The following LYSMD1 variants were observed in gnomAD, a reference collection of about 807,000 sequenced individuals.
LYSMD1 encodes LysM domain containing 1.
A neutral mutation model predicts 19.3 loss-of-function variants in LYSMD1; 9 were observed. The ratio of observed to expected loss-of-function variants is 0.47; its 90% CI spans 0.28 to 0.81. The LOEUF (loss-of-function observed/expected upper bound fraction) is 0.81, where lower values mean the gene tolerates loss of function less well. Ranked by LOEUF, LYSMD1 falls within the 40% of genes least tolerant of loss-of-function variation. LYSMD1 has a pLI of 0.11. For synonymous variants in LYSMD1, 111 were observed against 111.7 expected (o/e 0.99, Z 0.04); for missense variants, 262 against 279.8 (o/e 0.94, Z 0.45).
chr1:151,161,116 A>G, intron 2 of LYSMD1, 96 bp from the exon 3 acceptor site: 7 of 1,380,940 alleles, frequency 5.1e-6, no homozygotes, highest in Admixed American at 3.6e-5. Context: ...CTTCTAATAC[A>G]TAAGCTGGTT....
chr1:151,158,693 G>T, downstream of LYSMD1: 1 of 1,590,160 alleles, frequency 6.3e-7, no homozygotes, highest in East Asian at 2.2e-5. Context: ...CACTCTCCAG[G>T]ACCCATGGAG....
At chr1:151,151,086 C>T in the LYSMD1 span, among the ~76,000 whole-genome samples, 158 of 152,100 alleles carry the variant, frequency 1.0e-3, no homozygotes, top group African/African-American at 3.7e-3. Context: ...TGCTGGTGTT[C>T]CCTATGGTCA....
chr1:151,164,136 C>T (rs1683564317), intron 1 of LYSMD1, among the ~76,000 whole-genome samples: 1 of 152,098 alleles, frequency 6.6e-6, no homozygotes, highest in Non-Finnish European at 1.5e-5. Context: ...TTAGGTGATC[C>T]ACTTGCCTCT....
At chr1:151,153,462 G>A in the LYSMD1 span, among the ~76,000 whole-genome samples, 1 of 151,884 alleles carries the variant, frequency 6.6e-6, no homozygotes, top group African/African-American at 2.4e-5. Flanking sequence ...AGACCAGCCT[G>A]GCCAATATGG....
rs1340515203 is a variant in LYSMD1, at chr1:151,161,756, C to G, written c.525G>C (p.Lys175Asn). Residue 175 changes from lysine (K) to asparagine (N), a missense_variant, in exon 2 of 3, where the codon AAG (lysine) becomes AAC (asparagine). By Grantham distance (94) the Lys-to-Asn change is moderately conservative. Transcript: ENST00000368908. ...ISLSKKAAAQ[K>N]LKKGENGVPG... ...CTCACCCATTTTCCCCTTTTTTCAGCTTCTGAGCAGCAGCCTTCTTGGACA... is the reference window on the plus strand; with the variant it reads ...CTCACCCATTTTCCCCTTTTTTCAGGTTCTGAGCAGCAGCCTTCTTGGACA... The G allele has an allele frequency of 1.9e-6, 3 of 1,608,554 alleles. No homozygotes were observed. In the Admixed American group the frequency reaches 5.2e-5, roughly 28 times the overall value.
chr1:151,165,611 C>A lies in LYSMD1; in HGVS notation c.-353G>T. ...CTCAGTTTGCCCCCAAGTAGCCTGG[C>A]CTCAGGGCGCTCCAACATCCCAGCT... On this transcript the variant is annotated 5_prime_UTR_variant, in exon 1 of 3. Coordinates refer to ENST00000368908, the MANE Select transcript of LYSMD1 (RefSeq NM_212551.5). The A allele has an allele frequency of 6.5e-7, 1 of 1,528,322 alleles. No individual in the cohort carries two copies. Among genetic ancestry groups the A allele is most frequent in the Admixed American group, 2.0e-5 (1 of 49,628 alleles). 94.7% of individuals were successfully genotyped at this position (1,528,322 alleles called of 1,614,324 possible).
At chr1:151,153,476 A>C in the LYSMD1 span, among the ~76,000 whole-genome samples, 1 of 151,432 alleles carries the variant, frequency 6.6e-6, no homozygotes, top group South Asian at 2.1e-4. Flanking sequence ...AATATGGTGA[A>C]ACCCCATCTC....
At chr1:151,153,654 C>CG in the LYSMD1 span, among the ~76,000 whole-genome samples, 3 of 145,468 alleles carry the variant, frequency 2.1e-5, no homozygotes, top group Non-Finnish European at 4.5e-5. Flanking sequence ...GACTCCATCT[C>CG]GAAAAAAAAA....
chr1:151,165,115 G>A lies in LYSMD1; in HGVS notation c.144C>T (p.Asp48=). Residue 48 remains aspartate, a synonymous_variant, in exon 1 of 3, where the codon GAC becomes GAT. Coordinates refer to ENST00000368908, the MANE Select transcript of LYSMD1 (RefSeq NM_212551.5). ...RRLEHQLEPG[D]TLAGLALKYG... ...ATTTGAGTGCTAGTCCAGCCAGGGT[G>A]TCTCCGGGCTCCAACTGATGCTCCA... 4 of 1,614,174 alleles carry A rather than the reference G, an allele frequency of 2.5e-6. No individual in the cohort carries two copies. Among genetic ancestry groups the A allele is most frequent in the Admixed American group, 1.7e-5 (1 of 60,026 alleles).
rs587776233 is a variant in LYSMD1, at chr1:151,165,348, C to T, written c.-90G>A. ...GGCCTGAAGTCTGGGAATGAATATT[C>T]AGGGGATTCCTTTCCCCCTCTCTCT... On this transcript the variant is annotated 5_prime_UTR_variant, in exon 1 of 3. Transcript: ENST00000368908. 2.1e-4 allele frequency: 326 copies of T among 1,530,516 alleles called. 1 individual carries two copies. The African/African-American group carries it at 3.7e-3, about 17-fold the overall frequency. 94.8% of individuals were successfully genotyped at this position (1,530,516 alleles called of 1,614,324 possible).
At chr1:151,152,593 G>A in the LYSMD1 span, among the ~76,000 whole-genome samples, 3 of 135,366 alleles carry the variant, frequency 2.2e-5, no homozygotes, top group African/African-American at 5.5e-5. Context: ...CCAGCTACTT[G>A]GGAGGCTGAG....
chr1:151,158,617 G>T, downstream of LYSMD1: 1 of 1,297,884 alleles, frequency 7.7e-7, no homozygotes, highest in South Asian at 1.5e-5. Context: ...AACAGAAAAG[G>T]GAAAAGCCAT....
At chr1:151,154,058 T>C in the LYSMD1 span, among the ~76,000 whole-genome samples, 1 of 152,198 alleles carries the variant, frequency 6.6e-6, no homozygotes, top group Non-Finnish European at 1.5e-5. Context: ...CATTTTCCCC[T>C]CATATCCTGG....
At chr1:151,163,283 TA>T (rs143541022) in intron 1 of LYSMD1, among the ~76,000 whole-genome samples, 3,289 of 152,090 alleles carry the variant, frequency 0.022, 112 homozygotes, top group African/African-American at 0.075. Context: ...ATAACCCTAC[TA>T]TAATATTATT....
At chr1:151,158,204 T>C (rs1435428657), downstream of LYSMD1, among the ~76,000 whole-genome samples, 1 of 151,172 alleles carries the variant, frequency 6.6e-6, no homozygotes, top group Non-Finnish European at 1.5e-5. Context: ...GTGCCTGTAA[T>C]CCCAACTACT....
At chr1:151,158,272 G>T (rs1683295773), downstream of LYSMD1, among the ~76,000 whole-genome samples, 1 of 149,586 alleles carries the variant, frequency 6.7e-6, no homozygotes, top group Admixed American at 6.7e-5. Flanking sequence ...GCAGTGAACA[G>T]AGATCACACC....
At chr1:151,153,901 C>G in the LYSMD1 span, among the ~76,000 whole-genome samples, 1 of 150,302 alleles carries the variant, frequency 6.7e-6, no homozygotes, top group Non-Finnish European at 1.5e-5. Flanking sequence ...TGCAGTGAGC[C>G]GAGATTGCAC....
At chr1:151,162,243 T>C (rs1683484047) in intron 1 of LYSMD1, 143 bp from the exon 2 acceptor site, 2 of 817,656 alleles carry the variant, frequency 2.4e-6, no homozygotes, top group Admixed American at 7.3e-5. Flanking sequence ...ATTTCTATTC[T>C]ATAGATGAGT....
downstream of LYSMD1, among the ~76,000 whole-genome samples, chr1:151,157,439 G>A (rs917709753): frequency 3.9e-5 from 6 of 152,294 alleles, no homozygotes; most frequent in South Asian, 8.3e-4. Context: ...AACCACAGGC[G>A]AAGACCATGG....
Sources: allele counts gnomAD v4.1 joint callset (sites outside exome capture counted in the v4.1 genomes callset), GRCh38; gene constraint gnomAD v4.1.1; transcripts MANE v1.5; gene names NCBI Gene and HGNC (gene_info 2026-07-23, HGNC 2026-07-21).